Variants in SRP72 observed in about 807,000 individuals in gnomAD.
SRP72 encodes signal recognition particle 72, also known as signal recognition particle subunit SRP72.
SRP72 carries 49 observed loss-of-function variants against 96.3 expected under a neutral mutation model. The observed-to-expected ratio is 0.51, with a 90% CI of 0.40 to 0.65. The LOEUF is 0.65. SRP72 is among the 30% of genes least tolerant of loss of function. SRP72 has a pLI of 0.00. For missense variants in SRP72, 736 were observed against 793.3 expected, an observed-to-expected ratio of 0.93 and a Z score of 0.87; for synonymous variants, 267 against 275.2, an observed-to-expected ratio of 0.97 and a Z score of 0.30.
intron 1 of SRP72, among the ~76,000 whole-genome samples, chr4:56,467,956 T>C (rs1157907295): frequency 2.6e-5 from 4 of 152,212 alleles, no homozygotes; most frequent in African/African-American, 9.6e-5. Flanking sequence ...CCCTGGTTGC[T>C]TACAGCCACG....
intron 16 of SRP72, among the ~76,000 whole-genome samples, chr4:56,493,249 T>C (rs1056550020): frequency 2.0e-5 from 3 of 151,910 alleles, no homozygotes; most frequent in Non-Finnish European, 4.4e-5. Flanking sequence ...TCGATCAGGC[T>C]GGTCTTGAAC....
intron 8 of SRP72, among the ~76,000 whole-genome samples, chr4:56,479,477 C>T (rs914915894): frequency 6.6e-6 from 1 of 151,980 alleles, no homozygotes; most frequent in African/African-American, 2.4e-5. Context: ...CCGTGCCCGG[C>T]CAGGAACACT....
intron 6 of SRP72, chr4:56,477,130 T>G (rs949143028): frequency 2.7e-4 from 16 of 58,740 alleles, no homozygotes; most frequent in Admixed American, 7.5e-4. Flanking sequence ...GTCCTTATGT[T>G]TTTTTTTTGT....
In SRP72 at chr4:56,489,472, C is replaced by T; in HGVS notation, c.1309C>T (p.Gln437Ter). ...EVFTQAIQWY[Q>*]NHQPKSPAHL... is the part of the protein sequence containing the mutation. The stretch of plus-strand genomic sequence containing the variant: ...CTTCACACAAGCTATCCAGTGGTAT[C>T]AAAACCATCAGGTAAATAAATGGAG... Residue 437 changes from glutamine to a stop codon, truncating the protein, a stop_gained, in exon 13 of 19, where the codon CAA becomes TAA. Transcript: ENST00000642900. LOFTEE classifies it high-confidence loss of function. The T allele has an allele frequency of 6.3e-7, 1 of 1,574,946 alleles. No homozygotes were observed. The highest frequency in any genetic ancestry group is 1.3e-5 in the African/African-American group (1 of 74,432).
intron 12 of SRP72, among the ~76,000 whole-genome samples, chr4:56,488,713 A>G (rs1363921263): frequency 1.3e-5 from 2 of 152,200 alleles, no homozygotes; most frequent in Non-Finnish European, 2.9e-5. Context: ...CTTTATTGGC[A>G]TAAAAGTTCT....
At chr4:56,469,957 T>C (rs1463563149) in intron 2 of SRP72, among the ~76,000 whole-genome samples, 184 bp downstream of exon 2, 1 of 150,386 alleles carries the variant, frequency 6.6e-6, no homozygotes, top group Non-Finnish European at 1.5e-5. Context: ...CTTCTGTTTT[T>C]TTCAGCCTTA....
Position 56,474,170 on chromosome 4 carries a change from T to C in SRP72, c.471T>C (p.Ala157=). The C allele has an allele frequency of 1.2e-6, 2 of 1,614,200 alleles. No homozygotes were observed. The highest frequency in any genetic ancestry group is 1.7e-6 in the Non-Finnish European group (2 of 1,180,034). Residue 157 remains alanine, a synonymous_variant, in exon 4 of 19, where the codon GCT becomes GCC. Transcript: ENST00000642900. The part of the protein sequence containing the change: ...RKTNLSAVVA[A]QSNWEKVVPE... ...CAAACCTTTCAGCAGTTGTTGCAGC[T>C]CAAAGCAATTGGGAAAAAGTGGTTC...
chr4:56,468,286 C>T (rs779612365), intron 1 of SRP72, among the ~76,000 whole-genome samples: 4 of 152,152 alleles, frequency 2.6e-5, no homozygotes, highest in Non-Finnish European at 4.4e-5. Flanking sequence ...TCAGGCCTGT[C>T]ATTCCCATAG....
intron 17 of SRP72, 41 bp from the exon 18 acceptor site, chr4:56,500,495 T>TA: frequency 6.3e-7 from 1 of 1,591,790 alleles, no homozygotes; most frequent in Non-Finnish European, 8.6e-7. Context: ...ATCTTGAAAA[T>TA]ATTATGACAC....
rs2110117651 is a variant in SRP72 at position 56,478,744 on chromosome 4, T to TAA, written c.825+95_825+96insAA. On this transcript the variant is annotated intron_variant, in intron 8 of 18. Coordinates refer to ENST00000642900, the MANE Select transcript of SRP72 (RefSeq NM_006947.4). ...TTCTAGGATAGCCTAAGTGTTCTTT[T>TAA]TAACATGATGAAAAAAGTCCAGTTG... 3.1e-6 allele frequency: 4 copies of TAA among 1,300,634 alleles called. No individual in the cohort carries two copies. In the East Asian group the frequency reaches 9.5e-5, roughly 31 times the overall value. The allele number at this position is 1,300,634 out of a possible 1,614,324, so 80.6% of individuals were successfully genotyped here.
At chr4:56,473,242 G>A (rs577656044) in intron 3 of SRP72, among the ~76,000 whole-genome samples, 14 of 152,150 alleles carry the variant, frequency 9.2e-5, no homozygotes, top group African/African-American at 3.4e-4. Flanking sequence ...GGCGGATCAT[G>A]AGGTCAGGAG....
At position 56,500,972 on chromosome 4, in the gene SRP72, TA is replaced by T. The variant is rs201988695; in HGVS notation, c.1838+281del. On this transcript the variant is annotated intron_variant, in intron 18 of 18. Coordinates refer to ENST00000642900, the MANE Select transcript of SRP72 (RefSeq NM_006947.4). ...ATATAGTAAAAACTATTATAAAAAC[TA>T]AAAGTCTCAAGGCAACTAAATACAC... Among the ~76,000 whole-genome samples, 5 of 152,066 alleles carry T rather than the reference TA, an allele frequency of 3.3e-5. No homozygotes were observed. In the East Asian group the frequency reaches 9.7e-4, roughly 29 times the overall value.
chr4:56,487,785 C>T (rs1006491229), intron 11 of SRP72, among the ~76,000 whole-genome samples, 164 bp from the exon 12 acceptor site: 3 of 152,128 alleles, frequency 2.0e-5, no homozygotes, highest in Non-Finnish European at 4.4e-5. Flanking sequence ...GAACAGAGTT[C>T]ACCATCCCCA....
At chr4:56,477,331 A>G (rs1720283401) in intron 6 of SRP72, among the ~76,000 whole-genome samples, 2 of 94,902 alleles carry the variant, frequency 2.1e-5, no homozygotes, top group Admixed American at 1.5e-4. Context: ...TTGAGACAGG[A>G]TCTTGCTGTT....
intron 13 of SRP72, among the ~76,000 whole-genome samples, chr4:56,489,924 C>T (rs779903705): frequency 5.9e-5 from 9 of 152,020 alleles, no homozygotes; most frequent in Non-Finnish European, 8.8e-5. Context: ...CAGTATCCAA[C>T]TTAAAATTAT....
chr4:56,469,719 G>C lies in SRP72; in HGVS notation c.176G>C (p.Gly59Ala). The change falls in exon 2 of 19, where the codon GGA (glycine) becomes GCA (alanine). Residue 59 changes from glycine to alanine, a missense_variant. Gly to Ala is a moderately conservative substitution (Grantham distance 60). Coordinates refer to ENST00000642900, the MANE Select transcript of SRP72 (RefSeq NM_006947.4). The part of the protein sequence containing the change: ...HCKVVCLIQN[G>A]SFKEALNVIN... ...AAAGTGGTATGCCTTATCCAGAATG[G>C]AAGTTTCAAGGAAGCTTTGAATGTC... 1 of 1,612,744 alleles carries C rather than the reference G, an allele frequency of 6.2e-7. No homozygotes were observed. The highest frequency in any genetic ancestry group is 8.5e-7 in the Non-Finnish European group (1 of 1,179,054).
chr4:56,474,755 G>C (rs1720139731), intron 5 of SRP72, among the ~76,000 whole-genome samples: 1 of 152,164 alleles, frequency 6.6e-6, no homozygotes, highest in Non-Finnish European at 1.5e-5. Context: ...TATTGGCCAG[G>C]CTCATTTCAC....
chr4:56,500,572 C>A lies in SRP72; in HGVS notation c.1715C>A (p.Pro572Gln). The part of the protein sequence containing the change: ...LPKNYDPKVT[P>Q]DPERWLPMRE... ...AAGAATTATGACCCAAAAGTTACCC[C>A]AGATCCAGAAAGATGGCTGCCAATG... The change falls in exon 18 of 19, where the codon CCA (proline) becomes CAA (glutamine). Residue 572 changes from proline (P) to glutamine (Q), a missense_variant. Coordinates refer to ENST00000642900, the MANE Select transcript of SRP72 (RefSeq NM_006947.4). 1 of 1,613,784 alleles carries A rather than the reference C, an allele frequency of 6.2e-7. No individual in the cohort carries two copies. Among genetic ancestry groups the A allele is most frequent in the South Asian group, 1.1e-5 (1 of 91,066 alleles).
chr4:56,478,965 G>A (rs183737212), intron 8 of SRP72, among the ~76,000 whole-genome samples: 22 of 152,124 alleles, frequency 1.4e-4, no homozygotes, highest in East Asian at 7.7e-4. Context: ...TTAAGTATAC[G>A]CATGTTTTAT....
Sources: gnomAD v4.1 joint callset for allele counts (sites outside exome capture counted in the v4.1 genomes callset) on GRCh38, gnomAD v4.1.1 for gene constraint, MANE v1.5 for transcripts, NCBI Gene and HGNC (gene_info 2026-07-23, HGNC 2026-07-21) for gene names.